The following ZFAND3 variants were observed in gnomAD, a reference collection of about 807,000 sequenced individuals.
The protein encoded by ZFAND3 is AN1-type zinc finger protein 3.
In ZFAND3, 10 loss-of-function variants were observed where a neutral mutation model predicts 29.6. The ratio of observed to expected loss-of-function variants is 0.34; its 90% confidence interval spans 0.21 to 0.57. The LOEUF (loss-of-function observed/expected upper bound fraction) is 0.57, where lower values mean the gene tolerates loss of function less well. ZFAND3 is among the 20% of genes least tolerant of loss of function. The pLI is 0.86. For synonymous variants in ZFAND3, 128 were observed against 112.6 expected (o/e 1.14, Z -0.87); for missense variants, 230 against 304.5 (o/e 0.76, Z 1.82).
intron 1 of ZFAND3, among the ~76,000 whole-genome samples, chr6:37,923,047 C>T (rs902553674): frequency 7.9e-5 from 12 of 152,190 alleles, no homozygotes; most frequent in Admixed American, 2.0e-4. Context: ...TTTGTAATCA[C>T]ACTTAGCTTA....
intron 5 of ZFAND3, among the ~76,000 whole-genome samples, chr6:38,128,184 A>G (rs1421630054): frequency 3.3e-5 from 5 of 152,254 alleles, no homozygotes; most frequent in Admixed American, 3.3e-4. Context: ...CAGATCAATA[A>G]TAAATTACAA....
rs1554183923 is a variant in ZFAND3 at position 38,144,184 on chromosome 6, A to AATATATAAT, written c.530-8044_530-8043insATATATATA. On this transcript the variant is annotated intron_variant, in intron 5 of 5. Transcript: ENST00000287218. ...CTAGAAAAATGTGATATATATATAT[A>AATATATAAT]ATATATATATATATATATATATATA... is the stretch of plus-strand genomic sequence containing the variant. Among the ~76,000 whole-genome samples the AATATATAAT allele has an allele frequency of 4.7e-5, 2 of 42,544 alleles. 1 individual carries two copies. The highest frequency in any genetic ancestry group is 1.1e-3 in the East Asian group (2 of 1,808). 27.9% of individuals were successfully genotyped at this position (42,544 alleles called of 152,430 possible).
intron 2 of ZFAND3, among the ~76,000 whole-genome samples, chr6:38,022,229 G>A (rs971500421): frequency 1.3e-5 from 2 of 152,128 alleles, no homozygotes; most frequent in African/African-American, 4.8e-5. Context: ...GAGAAGCTCC[G>A]ATATAAACCA....
chr6:38,071,439 C>T (rs1001035333), intron 3 of ZFAND3, among the ~76,000 whole-genome samples: 1 of 151,792 alleles, frequency 6.6e-6, no homozygotes, highest in African/African-American at 2.4e-5. Context: ...AAGTGGATAA[C>T]CAGTTATGCA....
rs75124178 is a variant in ZFAND3 at position 37,849,967 on chromosome 6, A to G, written c.71+29951A>G. On this transcript the variant is annotated intron_variant, in intron 1 of 5. Coordinates refer to ENST00000287218, the MANE Select transcript of ZFAND3 (RefSeq NM_021943.3). ...CCTTCCTCTGTGCTTCCTTCTGTCT[A>G]TCCTTGCTGCTGCCACCACTGCTTG... 4.0e-3 allele frequency among the ~76,000 whole-genome samples: 603 copies of G among 152,188 alleles called. 1 individual carries two copies. The highest frequency in any genetic ancestry group is 5.4e-3 in the Non-Finnish European group (369 of 68,000).
At chr6:38,089,940 A>G (rs958531799) in intron 4 of ZFAND3, among the ~76,000 whole-genome samples, 1 of 152,030 alleles carries the variant, frequency 6.6e-6, no homozygotes, top group Non-Finnish European at 1.5e-5. Context: ...TGCAATCTCC[A>G]TCTCCCGGGT....
At chr6:38,136,184 T>C (rs888284773) in intron 5 of ZFAND3, among the ~76,000 whole-genome samples, 7 of 152,176 alleles carry the variant, frequency 4.6e-5, no homozygotes, top group African/African-American at 1.7e-4. Flanking sequence ...GGATGTTCCC[T>C]TTCTCTGTTG....
intron 4 of ZFAND3, among the ~76,000 whole-genome samples, chr6:38,109,178 CT>C (rs1210795483): frequency 0.16 from 20,610 of 130,648 alleles, 1,565 homozygotes; most frequent in Middle Eastern, 0.19. Flanking sequence ...GCTGCCATGA[CT>C]TTTTTTTTTT....
chr6:37,913,184 T>G lies in ZFAND3; in HGVS notation c.72-16775T>G, dbSNP rs888098154. Among the ~76,000 whole-genome samples, 8 of 152,184 alleles carry G rather than the reference T, an allele frequency of 5.3e-5. 1 individual carries two copies. Among genetic ancestry groups the G allele is most frequent in the Admixed American group, 5.2e-4 (8 of 15,278 alleles). On this transcript the variant is annotated intron_variant, in intron 1 of 5. Coordinates refer to ENST00000287218, the MANE Select transcript of ZFAND3 (RefSeq NM_021943.3). ...TAAGACAACAATGAAGTTTGCTGCA[T>G]CAATTGCCTCTTTTTTATGAAATAT...
chr6:38,001,918 T>G lies in ZFAND3; in HGVS notation c.113-59675T>G, dbSNP rs1762955440. Among the ~76,000 whole-genome samples the G allele has an allele frequency of 1.3e-5, 2 of 152,164 alleles. 1 individual carries two copies. Among genetic ancestry groups the G allele is most frequent in the South Asian group, 4.1e-4 (2 of 4,822 alleles). On this transcript the variant is annotated intron_variant, in intron 2 of 5. Transcript: ENST00000287218. ...TTTCTTTTTGTCTTTTAGTCTTTTC[T>G]TTTAGTCTAAATATTGATATATTAG...
intron 2 of ZFAND3, among the ~76,000 whole-genome samples, chr6:37,953,441 C>CTTTTTTTTTTTTTTTTTT (rs35182018): frequency 1.9e-5 from 2 of 106,224 alleles, no homozygotes; most frequent in Non-Finnish European, 1.8e-5. Context: ...GCATAATTAT[C>CTTTTTTTTTTTTTTTTTT]TTTTTTTTTT....
chr6:38,050,765 C>T (rs1764011411), intron 2 of ZFAND3, among the ~76,000 whole-genome samples: 1 of 152,208 alleles, frequency 6.6e-6, no homozygotes. Flanking sequence ...GCGTGCACCA[C>T]TGTGCCCAGC....
chr6:38,077,546 A>G (rs1311189426), intron 3 of ZFAND3, among the ~76,000 whole-genome samples: 1 of 152,210 alleles, frequency 6.6e-6, no homozygotes, highest in Non-Finnish European at 1.5e-5. Context: ...AGAATATTTG[A>G]TTATTGTGCT....
At chr6:37,926,013 AC>A (rs1219359971) in intron 1 of ZFAND3, among the ~76,000 whole-genome samples, 1 of 152,166 alleles carries the variant, frequency 6.6e-6, no homozygotes, top group African/African-American at 2.4e-5. Context: ...GGTAATGAAG[AC>A]TGAGTTTCTG....
At chr6:38,066,912 A>G (rs1764357322) in intron 3 of ZFAND3, among the ~76,000 whole-genome samples, 1 of 152,218 alleles carries the variant, frequency 6.6e-6, no homozygotes, top group Admixed American at 6.5e-5. Context: ...GAACATAAAC[A>G]TATGTCTCCC....
At chr6:37,926,249 A>C (rs1472528580) in intron 1 of ZFAND3, among the ~76,000 whole-genome samples, 1 of 152,242 alleles carries the variant, frequency 6.6e-6, no homozygotes, top group East Asian at 1.9e-4. Flanking sequence ...CTATTGTAAC[A>C]AATTACCACA....
intron 2 of ZFAND3, among the ~76,000 whole-genome samples, chr6:38,054,961 A>T (rs1430103207): frequency 1.3e-5 from 2 of 151,940 alleles, no homozygotes; most frequent in Non-Finnish European, 2.9e-5. Context: ...TGCGGTTGAG[A>T]TGGGGGTGGG....
At chr6:37,856,871 A>G (rs1014219589) in intron 1 of ZFAND3, among the ~76,000 whole-genome samples, 3 of 152,068 alleles carry the variant, frequency 2.0e-5, no homozygotes, top group Non-Finnish European at 2.9e-5. Flanking sequence ...AGATTTGACA[A>G]ATTATTAAAA....
chr6:37,913,135 G>T (rs1055295863), intron 1 of ZFAND3, among the ~76,000 whole-genome samples: 4 of 152,162 alleles, frequency 2.6e-5, no homozygotes, highest in African/African-American at 9.7e-5. Flanking sequence ...AAGGCTGGGT[G>T]GGGGCTCTGG....
Sources: gnomAD v4.1 joint callset for allele counts (sites outside exome capture counted in the v4.1 genomes callset) on GRCh38, gnomAD v4.1.1 for gene constraint, MANE v1.5 for transcripts, NCBI Gene and HGNC (gene_info 2026-07-23, HGNC 2026-07-21) for gene names.